Variants in SPAG1 observed in about 807,000 individuals in gnomAD.
The protein encoded by SPAG1 is sperm-associated antigen 1.
In SPAG1, 69 loss-of-function variants were observed where a neutral mutation model predicts 100.5. The ratio of observed to expected loss-of-function variants is 0.69; its 90% confidence interval spans 0.57 to 0.84. The LOEUF (loss-of-function observed/expected upper bound fraction) is 0.84, where lower values mean the gene tolerates loss of function less well. SPAG1 is among the 40% of genes least tolerant of loss of function. SPAG1 has a pLI of 0.00. For missense variants in SPAG1, 955 were observed against 1,133.1 expected (o/e 0.84, Z 2.26); for synonymous variants, 336 against 411.6 (o/e 0.82, Z 2.22).
At chr8:100,215,376 A>G (rs542699490) in intron 12 of SPAG1, among the ~76,000 whole-genome samples, 1 of 152,318 alleles carries the variant, frequency 6.6e-6, no homozygotes, top group Admixed American at 6.5e-5. Context: ...CTAAAAAAGA[A>G]GAAGTCATGT....
rs764448315 is a variant in SPAG1, at chr8:100,162,413, G to C, written c.133G>C (p.Val45Leu). 4.4e-6 allele frequency: 7 copies of C among 1,577,734 alleles called. No homozygotes were observed. Among genetic ancestry groups the C allele is most frequent in the East Asian group, 4.5e-5 (2 of 44,292 alleles). ...TAAACATCTGGAAAAAATTCTTTGC[G>C]TGCTCAGGTAAGCATTTTAAAATCA... The part of the protein sequence containing the change: ...DVKHLEKILC[V>L]LRSGEEGYYP... Residue 45 changes from valine to leucine, a missense_variant, in exon 2 of 19, where the codon GTG (valine) becomes CTG (leucine). By Grantham distance (32) the Val-to-Leu change is conservative. Coordinates refer to ENST00000388798, the MANE Select transcript of SPAG1 (RefSeq NM_003114.5).
At chr8:100,210,405 G>A (rs1012073612) in intron 10 of SPAG1, among the ~76,000 whole-genome samples, 4 of 152,010 alleles carry the variant, frequency 2.6e-5, no homozygotes, top group Non-Finnish European at 4.4e-5. Flanking sequence ...GAATCTGTTC[G>A]CTAGTATTTT....
At position 100,205,566 on chromosome 8, in the gene SPAG1, G is replaced by T. The variant is rs561675729; in HGVS notation, c.1097-7524G>T. On this transcript the variant is annotated intron_variant, in intron 10 of 18. Coordinates refer to ENST00000388798, the MANE Select transcript of SPAG1 (RefSeq NM_003114.5). ...AGCAGCTGGCAGAACCCCCACATTA[G>T]CTCCCTGACTGGTAGGGTGAAGGCT... Among the ~76,000 whole-genome samples, 18 of 152,264 alleles carry T rather than the reference G, an allele frequency of 1.2e-4. No individual in the cohort carries two copies. In the East Asian group the frequency reaches 3.1e-3, roughly 26 times the overall value.
At chr8:100,182,262 A>C (rs1319452918) in intron 4 of SPAG1, among the ~76,000 whole-genome samples, 1 of 152,156 alleles carries the variant, frequency 6.6e-6, no homozygotes, top group African/African-American at 2.4e-5. Flanking sequence ...CTGGTGCAGA[A>C]CCTGCCCTCT....
At chr8:100,175,723 G>A (rs1816086323) in intron 3 of SPAG1, among the ~76,000 whole-genome samples, 1 of 152,154 alleles carries the variant, frequency 6.6e-6, no homozygotes, top group South Asian at 2.1e-4. Flanking sequence ...CTGGGACATT[G>A]TCCAACATCA....
intron 10 of SPAG1, chr8:100,194,585 G>A (rs1033576636): frequency 2.0e-6 from 1 of 499,774 alleles, no homozygotes; most frequent in African/African-American, 2.0e-5. Context: ...TTTGATAATT[G>A]TTTTGTATAT....
chr8:100,240,636 G>C lies in SPAG1; in HGVS notation c.2514G>C (p.Pro838=), dbSNP rs752704151. ...CCATCACTGCACCAAAAGATTTGCC[G>C]ATGTTTTTAAGTAACAAACTTGAAG... ...LLAITAPKDL[P]MFLSNKLEGD... is the part of the protein sequence containing the mutation. Residue 838 remains proline, a synonymous_variant, in exon 18 of 19, where the codon CCG becomes CCC. Coordinates refer to ENST00000388798, the MANE Select transcript of SPAG1 (RefSeq NM_003114.5). 2 of 1,614,026 alleles carry C rather than the reference G, an allele frequency of 1.2e-6. No individual in the cohort carries two copies. The highest frequency in any genetic ancestry group is 1.7e-5 in the Admixed American group (1 of 59,996).
At chr8:100,203,085 G>A (rs1817358528) in intron 10 of SPAG1, among the ~76,000 whole-genome samples, 1 of 152,210 alleles carries the variant, frequency 6.6e-6, no homozygotes, top group South Asian at 2.1e-4. Flanking sequence ...TTAACATTAA[G>A]TCTGGTGGGC....
rs747506730 is a variant in SPAG1, at chr8:100,168,687, C to CT, written c.300+2725dup. ...AGCATGAGCCACCATGCCCAGCCAT[C>CT]TTTTTTTTTTTGTTGTTGAGACAGA... is the stretch of plus-strand genomic sequence containing the variant. On this transcript the variant is annotated intron_variant, in intron 3 of 18. Transcript: ENST00000388798. Among the ~76,000 whole-genome samples, 147 of 95,682 alleles carry CT rather than the reference C, an allele frequency of 1.5e-3. 9 individuals carry two copies. The East Asian group carries it at 0.029, about 19-fold the overall frequency. 62.8% of individuals were successfully genotyped at this position (95,682 alleles called of 152,430 possible). A position where few individuals can be genotyped will look rare whatever the true frequency, so the allele number is the denominator to read the frequency against.
chr8:100,226,503 G>T (rs1217621091), intron 14 of SPAG1, among the ~76,000 whole-genome samples: 1 of 152,100 alleles, frequency 6.6e-6, no homozygotes, highest in Non-Finnish European at 1.5e-5. Flanking sequence ...AGGAGTTCAA[G>T]ACCAGCCGGG....
chr8:100,229,350 GT>G (rs1367455289), intron 14 of SPAG1, among the ~76,000 whole-genome samples: 1 of 152,206 alleles, frequency 6.6e-6, no homozygotes, highest in Non-Finnish European at 1.5e-5. Flanking sequence ...AACCCGGCAG[GT>G]GGAGCTTGCA....
chr8:100,171,675 C>T (rs1451492159), intron 3 of SPAG1, among the ~76,000 whole-genome samples: 1 of 152,170 alleles, frequency 6.6e-6, no homozygotes, highest in Non-Finnish European at 1.5e-5. Flanking sequence ...TGTCTGGGTA[C>T]TTTTCCTGTG....
At position 100,236,054 on chromosome 8, in the gene SPAG1, C is replaced by T. The variant is rs187403052; in HGVS notation, c.2115+2517C>T. Reference sequence around the variant, plus strand: ...CTTACTGGCTGCCTGACTTTCTGAACCTGGTGAGCTGACTAAAGGTCAGAA... The same window carrying T: ...CTTACTGGCTGCCTGACTTTCTGAATCTGGTGAGCTGACTAAAGGTCAGAA... On this transcript the variant is annotated intron_variant, in intron 16 of 18. Transcript: ENST00000388798. 6.1e-3 allele frequency among the ~76,000 whole-genome samples: 932 copies of T among 152,294 alleles called. 14 individuals are homozygous for T. Among genetic ancestry groups the T allele is most frequent in the African/African-American group, 0.021 (873 of 41,560 alleles).
chr8:100,179,609 G>A (rs1816280432), intron 4 of SPAG1, among the ~76,000 whole-genome samples: 1 of 152,174 alleles, frequency 6.6e-6, no homozygotes, highest in Admixed American at 6.5e-5. Flanking sequence ...CCTTGTCACT[G>A]TGTTGGTATT....
intron 10 of SPAG1, 96 bp downstream of exon 10, chr8:100,194,364 TCA>T: frequency 6.6e-7 from 1 of 1,513,638 alleles, no homozygotes; most frequent in Non-Finnish European, 9.0e-7. Flanking sequence ...TCGTAATCTA[TCA>T]GTTTTTCTAG....
chr8:100,226,336 G>A (rs1400203454), intron 14 of SPAG1, among the ~76,000 whole-genome samples: 1 of 152,074 alleles, frequency 6.6e-6, no homozygotes, highest in East Asian at 1.9e-4. Flanking sequence ...TCACAAGGAG[G>A]TTGTCAGAAA....
At chr8:100,223,671 A>G (rs889501379) in intron 13 of SPAG1, among the ~76,000 whole-genome samples, 10 of 150,916 alleles carry the variant, frequency 6.6e-5, no homozygotes, top group Non-Finnish European at 1.5e-5. Context: ...GGAATCTTAT[A>G]TGTTAAATTT....
chr8:100,231,415 A>G (rs1388897256), intron 15 of SPAG1, 127 bp downstream of exon 15: 2 of 625,076 alleles, frequency 3.2e-6, no homozygotes, highest in Non-Finnish European at 5.3e-6. Flanking sequence ...AAGAATTTCT[A>G]TAGCAAGCTG....
At chr8:100,201,486 T>C (rs1210388969) in intron 10 of SPAG1, among the ~76,000 whole-genome samples, 3 of 152,190 alleles carry the variant, frequency 2.0e-5, no homozygotes, top group Non-Finnish European at 4.4e-5. Flanking sequence ...TATTGGGTTA[T>C]TGATCCATTT....
Sources: gnomAD v4.1 joint callset for allele counts (sites outside exome capture counted in the v4.1 genomes callset) on GRCh38, gnomAD v4.1.1 for gene constraint, MANE v1.5 for transcripts, NCBI Gene and HGNC (gene_info 2026-07-23, HGNC 2026-07-21) for gene names.